Variants in USP15 observed in about 807,000 individuals in gnomAD.
USP15 encodes ubiquitin specific peptidase 15, also known as ubiquitin carboxyl-terminal hydrolase 15.
In USP15, 18 loss-of-function variants were observed where a neutral mutation model predicts 127.1. The ratio of observed to expected loss-of-function variants is 0.14; its 90% CI spans 0.10 to 0.21. The LOEUF is 0.21. Among genes scored for constraint, USP15 ranks in the 10% least tolerant of loss-of-function variants. The pLI is 1.00. For missense variants in USP15, 805 were observed against 1,159.9 expected, an observed-to-expected ratio of 0.69 and a Z score of 4.44; for synonymous variants, 364 against 393.7, an observed-to-expected ratio of 0.92 and a Z score of 0.89.
intron 1 of USP15, among the ~76,000 whole-genome samples, chr12:62,293,069 G>C (rs1043394638): frequency 3.3e-5 from 5 of 152,186 alleles, no homozygotes; most frequent in African/African-American, 1.2e-4. Context: ...GCGTGAGCTT[G>C]CAGTCTGGTG....
At chr12:62,398,663 G>T (rs2067577009) in intron 20 of USP15, among the ~76,000 whole-genome samples, 2 of 151,956 alleles carry the variant, frequency 1.3e-5, no homozygotes, top group Admixed American at 1.3e-4. Context: ...TAATCTTTAG[G>T]AGTCCGAAAG....
At chr12:62,265,382 A>G (rs1159531214) in intron 1 of USP15, among the ~76,000 whole-genome samples, 1 of 152,186 alleles carries the variant, frequency 6.6e-6, no homozygotes, top group African/African-American at 2.4e-5. Flanking sequence ...ACTCATCACC[A>G]TATTACCACA....
At chr12:62,378,131 C>T (rs1195354508) in intron 8 of USP15, among the ~76,000 whole-genome samples, 1 of 152,076 alleles carries the variant, frequency 6.6e-6, no homozygotes, top group African/African-American at 2.4e-5. Context: ...CGCTTGAACT[C>T]GGGAGGTGGA....
Position 62,358,180 on chromosome 12 carries a change from A to G in USP15, c.915+2705A>G, listed in dbSNP as rs182713313. Among the ~76,000 whole-genome samples, 293 of 152,238 alleles carry G rather than the reference A, an allele frequency of 1.9e-3. 3 individuals are homozygous for G. Among genetic ancestry groups the G allele is most frequent in the African/African-American group, 6.8e-3 (281 of 41,568 alleles). On this transcript the variant is annotated intron_variant, in intron 8 of 21. Coordinates refer to ENST00000280377, the MANE Select transcript of USP15 (RefSeq NM_001252078.2). ...ATGTTAAAAAAAAAAGAGTGTAAAA[A>G]GTATACTTTTTTAATGTAAGCGTGG...
At chr12:62,327,174 C>A (rs1300845649) in intron 6 of USP15, among the ~76,000 whole-genome samples, 1 of 151,588 alleles carries the variant, frequency 6.6e-6, no homozygotes, top group South Asian at 2.1e-4. Flanking sequence ...CTACAATGTA[C>A]CTTTTATAAG....
intron 6 of USP15, among the ~76,000 whole-genome samples, chr12:62,329,048 A>G (rs1297890925): frequency 1.3e-5 from 2 of 152,234 alleles, no homozygotes; most frequent in African/African-American, 4.8e-5. Context: ...AATAAGAAAT[A>G]TAACACTTAT....
In USP15 at chr12:62,298,537, G is replaced by A. The variant is rs568353616; in HGVS notation, c.217+4231G>A. On this transcript the variant is annotated intron_variant, in intron 2 of 21. Coordinates refer to ENST00000280377, the MANE Select transcript of USP15 (RefSeq NM_001252078.2). ...AAAAATTAGCTGGGTGTGGTGGCGC[G>A]CACTTGTAGTCCCATCTACTCAGGA... Among the ~76,000 whole-genome samples the A allele has an allele frequency of 1.7e-3, 255 of 152,052 alleles. 2 individuals are homozygous for A. Among genetic ancestry groups the A allele is most frequent in the Non-Finnish European group, 2.7e-3 (186 of 67,970 alleles).
rs1242018402 is a variant in USP15, at chr12:62,409,160, AC to A, written c.*4789del. The A allele has an allele frequency of 5.3e-5, 8 of 152,138 alleles. No individual in the cohort carries two copies. 9.4% of individuals were successfully genotyped at this position (152,138 alleles called of 1,614,324 possible). On this transcript the variant is annotated 3_prime_UTR_variant, in exon 22 of 22. Transcript: ENST00000280377. ...GGAAAATATATGCATCGGGAAACATACCCCACACGGTGCCATGGTTTAATTA... is the reference window on the plus strand; with the variant it reads ...GGAAAATATATGCATCGGGAAACATACCCACACGGTGCCATGGTTTAATTA...
At chr12:62,393,280 T>C (rs1315842036) in intron 19 of USP15, 78 bp downstream of exon 19, 1 of 1,522,670 alleles carries the variant, frequency 6.6e-7, no homozygotes, top group African/African-American at 1.4e-5. Flanking sequence ...TATTATCCTT[T>C]AGTAAACATC....
chr12:62,261,483 TAG>T (rs2063055665), intron 1 of USP15, among the ~76,000 whole-genome samples: 1 of 152,208 alleles, frequency 6.6e-6, no homozygotes. Flanking sequence ...ATATAATTCA[TAG>T]AGTGTTTCAG....
In USP15 at chr12:62,285,325, T is replaced by C. The variant is rs540626938; in HGVS notation, c.90-8854T>C. 4.6e-5 allele frequency among the ~76,000 whole-genome samples: 7 copies of C among 152,332 alleles called. No individual in the cohort carries two copies. In the East Asian group the frequency reaches 1.2e-3, roughly 25 times the overall value. ...GTATACATGATTTAGCTCCCACTTATAAGTGATAACATGCAGTATTTGATT... is the reference window on the plus strand; with the variant it reads ...GTATACATGATTTAGCTCCCACTTACAAGTGATAACATGCAGTATTTGATT... On this transcript the variant is annotated intron_variant, in intron 1 of 21. Transcript: ENST00000280377.
chr12:62,401,388 G>A (rs1565919087), intron 21 of USP15, 113 bp downstream of exon 21: 3 of 688,486 alleles, frequency 4.4e-6, no homozygotes. Flanking sequence ...AGCAGCTTGA[G>A]TAGCTAAAAG....
chr12:62,351,235 A>T (rs530995311), intron 7 of USP15, among the ~76,000 whole-genome samples: 15 of 151,938 alleles, frequency 9.9e-5, no homozygotes, highest in Admixed American at 3.3e-4. Context: ...GACACTGAAT[A>T]TTCAGAATTA....
chr12:62,343,432 C>G (rs1318938531), intron 6 of USP15, among the ~76,000 whole-genome samples: 1 of 152,222 alleles, frequency 6.6e-6, no homozygotes, highest in Non-Finnish European at 1.5e-5. Context: ...TTCTGTCTCG[C>G]TGGCATTCCA....
At chr12:62,307,229 G>C (rs1274228724) in intron 3 of USP15, among the ~76,000 whole-genome samples, 1 of 152,092 alleles carries the variant, frequency 6.6e-6, no homozygotes, top group Non-Finnish European at 1.5e-5. Context: ...CCAATAAGTA[G>C]GAATCAGGCT....
intron 8 of USP15, among the ~76,000 whole-genome samples, chr12:62,362,651 G>A (rs761299647): frequency 6.6e-6 from 1 of 152,088 alleles, no homozygotes. Context: ...ATGAATGACT[G>A]ATGAAGTCAT....
Position 62,404,405 on chromosome 12 carries a change from C to A in USP15, c.*30C>A. 1.3e-6 allele frequency: 2 copies of A among 1,534,270 alleles called. No homozygotes were observed. The highest frequency in any genetic ancestry group is 1.8e-6 in the Non-Finnish European group (2 of 1,137,694). ...AGTCCTAGAAGCCATAAAAGAGACA[C>A]TTTCCTGCTGGTGGTATCTATGGAA... On this transcript the variant is annotated 3_prime_UTR_variant, in exon 22 of 22. Coordinates refer to ENST00000280377, the MANE Select transcript of USP15 (RefSeq NM_001252078.2).
chr12:62,321,424 A>G (rs946647281), intron 4 of USP15, 40 bp from the exon 5 acceptor site: 19 of 1,310,586 alleles, frequency 1.4e-5, no homozygotes, highest in South Asian at 1.7e-5. Context: ...ATATTTTGAA[A>G]TACATACTAT....
In USP15 at chr12:62,383,957, C is replaced by G. The variant is rs2067065611; in HGVS notation, c.1207C>G (p.Pro403Ala). The G allele has an allele frequency of 2.5e-6, 4 of 1,612,508 alleles. No individual in the cohort carries two copies. The highest frequency in any genetic ancestry group is 1.7e-6 in the Non-Finnish European group (2 of 1,179,094). The change falls in exon 10 of 22, where the codon CCA becomes GCA. Residue 403 changes from proline (P) to alanine (A), a missense_variant. Physicochemically the swap from Pro to Ala is conservative, Grantham distance 27. This residue lies in a region of USP15 where 84 missense variants were observed against 210.3 expected (regional missense o/e 0.40). Coordinates refer to ENST00000280377, the MANE Select transcript of USP15 (RefSeq NM_001252078.2). ...HEDLNRIRKK[P>A]YIQLKDADGR... ...GGATTTGAATAGAATTAGGAAAAAA[C>G]CATATATACAATTAAAAGATGCAGA... is the stretch of plus-strand genomic sequence containing the variant.
Sources: gnomAD v4.1 joint callset for allele counts (sites outside exome capture counted in the v4.1 genomes callset) on GRCh38, gnomAD v4.1.1 for gene constraint, gnomAD v4.1.1 regional missense constraint, MANE v1.5 for transcripts, NCBI Gene and HGNC (gene_info 2026-07-23, HGNC 2026-07-21) for gene names.